The following FAM107B variants were observed in gnomAD, a reference collection of about 807,000 sequenced individuals.
FAM107B encodes family with sequence similarity 107 member B.
A neutral mutation model predicts 31.5 loss-of-function variants in FAM107B; 21 were observed. The ratio of observed to expected loss-of-function variants is 0.67; its 90% CI spans 0.47 to 0.96. FAM107B has a LOEUF of 0.96. FAM107B is among the 40% of genes least tolerant of loss of function. The pLI is 0.00. For synonymous variants in FAM107B, 157 were observed against 141.5 expected, an observed-to-expected ratio of 1.11 and a Z score of -0.78; for missense variants, 452 against 377.1, an observed-to-expected ratio of 1.20 and a Z score of -1.64.
At chr10:14,590,745 G>A (rs1344211526) in intron 2 of FAM107B, among the ~76,000 whole-genome samples, 1 of 151,872 alleles carries the variant, frequency 6.6e-6, no homozygotes, top group Non-Finnish European at 1.5e-5. Context: ...ACTTTGGGAG[G>A]GTGAGGCAGG....
intron 2 of FAM107B, among the ~76,000 whole-genome samples, chr10:14,574,332 A>T (rs1270942999): frequency 6.6e-6 from 1 of 152,228 alleles, no homozygotes; most frequent in Non-Finnish European, 1.5e-5. Context: ...CTCAAAACTG[A>T]ACCCTAGTTT....
chr10:14,586,819 C>T (rs932728431), intron 2 of FAM107B, among the ~76,000 whole-genome samples: 1 of 152,206 alleles, frequency 6.6e-6, no homozygotes, highest in African/African-American at 2.4e-5. Flanking sequence ...CCCAGAGCTC[C>T]AGTATGGACC....
At chr10:14,551,589 C>CTT (rs35049608) in intron 2 of FAM107B, among the ~76,000 whole-genome samples, 92 of 143,934 alleles carry the variant, frequency 6.4e-4, no homozygotes, top group South Asian at 8.7e-4. Context: ...CACTATTTTC[C>CTT]TTTTTTTTTT....
intron 2 of FAM107B, among the ~76,000 whole-genome samples, chr10:14,584,115 A>G (rs1442304280): frequency 6.6e-6 from 1 of 152,226 alleles, no homozygotes; most frequent in Admixed American, 6.5e-5. Context: ...ACCAAGCAAG[A>G]CAGGCCCTCC....
intron 1 of FAM107B, among the ~76,000 whole-genome samples, chr10:14,691,008 C>T (rs1855121068): frequency 1.3e-5 from 2 of 152,104 alleles, no homozygotes; most frequent in Non-Finnish European, 2.9e-5. Flanking sequence ...TTGTATGACA[C>T]GGTCTTCGTG....
At chr10:14,751,045 A>G (rs1832817454) in intron 1 of FAM107B, among the ~76,000 whole-genome samples, 1 of 152,168 alleles carries the variant, frequency 6.6e-6, no homozygotes, top group South Asian at 2.1e-4. Context: ...ATGGTGGCAC[A>G]TCTGGGAGGG....
At chr10:14,604,416 C>T (rs928824874) in intron 2 of FAM107B, 1 of 203,662 alleles carries the variant, frequency 4.9e-6, no homozygotes, top group South Asian at 1.7e-4. Flanking sequence ...CCCGCGGCCC[C>T]GCGCGTCCGA....
intron 2 of FAM107B, among the ~76,000 whole-genome samples, chr10:14,546,920 CATGT>C (rs1848747455): frequency 6.6e-6 from 1 of 152,180 alleles, no homozygotes; most frequent in Admixed American, 6.5e-5. Context: ...TTCTCACCAA[CATGT>C]ATGATTGCAA....
At position 14,774,752 on chromosome 10, in the gene FAM107B, T is replaced by C; in HGVS notation, c.-89A>G. ...CCTCCACTTTGCTTATAGGAACTCTTTCCAATTGCCCGAAGAGAAGAACTT... is the reference window on the plus strand; with the variant it reads ...CCTCCACTTTGCTTATAGGAACTCTCTCCAATTGCCCGAAGAGAAGAACTT... On this transcript the variant is annotated 5_prime_UTR_variant, in exon 1 of 5. Coordinates refer to ENST00000181796, the MANE Select transcript of FAM107B (RefSeq NM_031453.4). The C allele has an allele frequency of 7.2e-7, 1 of 1,396,688 alleles. No homozygotes were observed. Among genetic ancestry groups the C allele is most frequent in the Non-Finnish European group, 9.8e-7 (1 of 1,025,454 alleles). The allele number at this position is 1,396,688 out of a possible 1,614,324, so 86.5% of individuals were successfully genotyped here. A position where few individuals can be genotyped will look rare whatever the true frequency, so the allele number is the denominator to read the frequency against.
chr10:14,677,929 G>A (rs1296536671), intron 1 of FAM107B, among the ~76,000 whole-genome samples: 2 of 152,210 alleles, frequency 1.3e-5, no homozygotes, highest in Admixed American at 6.5e-5. Context: ...TGATGGGCGG[G>A]TGTTGTTAAA....
At chr10:14,733,509 C>T (rs548976055) in intron 1 of FAM107B, among the ~76,000 whole-genome samples, 1 of 152,118 alleles carries the variant, frequency 6.6e-6, no homozygotes, top group African/African-American at 2.4e-5. Context: ...TAGAGTGACA[C>T]CAGTCTGTCT....
At chr10:14,703,346 TG>T (rs1855447089) in intron 1 of FAM107B, among the ~76,000 whole-genome samples, 1 of 148,166 alleles carries the variant, frequency 6.7e-6, no homozygotes, top group South Asian at 2.2e-4. Flanking sequence ...TTTTTTTTTC[TG>T]AGACAGAGTC....
At chr10:14,754,243 G>T (rs942806718) in intron 1 of FAM107B, among the ~76,000 whole-genome samples, 2 of 152,140 alleles carry the variant, frequency 1.3e-5, no homozygotes, top group African/African-American at 4.8e-5. Flanking sequence ...CCGGCCACCA[G>T]TGAAAATTCT....
intron 2 of FAM107B, among the ~76,000 whole-genome samples, chr10:14,586,164 T>C (rs1356627212): frequency 2.0e-5 from 3 of 152,126 alleles, no homozygotes; most frequent in Non-Finnish European, 2.9e-5. Flanking sequence ...CATGTGCTAG[T>C]TCAATTCCTG....
intron 1 of FAM107B, among the ~76,000 whole-genome samples, chr10:14,763,552 T>C (rs897917900): frequency 2.6e-5 from 4 of 152,364 alleles, no homozygotes; most frequent in African/African-American, 9.6e-5. Flanking sequence ...AAGTCACTTC[T>C]GCCTATAGAG....
chr10:14,625,868 T>TAAA lies in FAM107B; in HGVS notation c.469+41763_469+41765dup, dbSNP rs58736805. 9.2e-5 allele frequency among the ~76,000 whole-genome samples: 10 copies of TAAA among 108,910 alleles called. 1 individual carries two copies. Among genetic ancestry groups the TAAA allele is most frequent in the Admixed American group, 1.1e-4 (1 of 9,120 alleles). 71.4% of individuals were successfully genotyped at this position (108,910 alleles called of 152,430 possible). A position where few individuals can be genotyped will look rare whatever the true frequency, so the allele number is the denominator to read the frequency against. ...GACCTCCATGCAGCTGCTCATGGAT[T>TAAA]AAAAAAAAAAAAGCTAATTTCAACA... On this transcript the variant is annotated intron_variant, in intron 2 of 4. Coordinates refer to ENST00000181796, the MANE Select transcript of FAM107B (RefSeq NM_031453.4).
At chr10:14,630,627 C>A (rs921728129) in intron 2 of FAM107B, among the ~76,000 whole-genome samples, 1 of 151,594 alleles carries the variant, frequency 6.6e-6, no homozygotes, top group Non-Finnish European at 1.5e-5. Flanking sequence ...AGTTCGAGAC[C>A]AGTCTGGGCG....
chr10:14,735,489 T>G (rs1291223953), intron 1 of FAM107B, among the ~76,000 whole-genome samples: 1 of 152,214 alleles, frequency 6.6e-6, no homozygotes. Context: ...TCAGGATGTC[T>G]GTCTGCCCAG....
At chr10:14,611,513 TATATATATATATA>T (rs2131391196) in intron 2 of FAM107B, among the ~76,000 whole-genome samples, 1 of 86,628 alleles carries the variant, frequency 1.2e-5, no homozygotes, top group South Asian at 3.1e-4. Context: ...TATATATATA[TATATATATATATA>T]TATTCACCTA....
Sources: gnomAD v4.1 joint callset for allele counts (sites outside exome capture counted in the v4.1 genomes callset) on GRCh38, gnomAD v4.1.1 for gene constraint, MANE v1.5 for transcripts, NCBI Gene and HGNC (gene_info 2026-07-23, HGNC 2026-07-21) for gene names.